Variants in LRP1B observed in about 807,000 individuals in gnomAD.
LRP1B encodes the protein LDL receptor related protein 1B, also known as low-density lipoprotein receptor-related protein 1B.
In LRP1B, 217 loss-of-function variants were observed where a neutral mutation model predicts 556.6. The ratio of observed to expected loss-of-function variants is 0.39; its 90% CI spans 0.35 to 0.44. LRP1B has a LOEUF of 0.44. LRP1B is among the 20% of genes least tolerant of loss of function. The probability of loss-of-function intolerance (pLI) is 1.00; values close to 1 mark genes in which losing one functional copy is unlikely to be tolerated. For missense variants in LRP1B, 5,053 were observed against 5,620.8 expected (o/e 0.90, Z 3.23); for synonymous variants, 2,047 against 1,865.8 (o/e 1.10, Z -2.50).
At chr2:141,408,552 T>G (rs1045169981) in intron 3 of LRP1B, among the ~76,000 whole-genome samples, 1 of 151,960 alleles carries the variant, frequency 6.6e-6, no homozygotes, top group African/African-American at 2.4e-5. Context: ...GCAAAAAAAC[T>G]AAAAATATTT....
chr2:141,297,566 G>A (rs1337738311), intron 3 of LRP1B, among the ~76,000 whole-genome samples: 3 of 152,030 alleles, frequency 2.0e-5, no homozygotes, highest in Non-Finnish European at 4.4e-5. Flanking sequence ...CCAGCTGCAG[G>A]CTACTAGACA....
At chr2:141,397,475 G>C (rs1690282459) in intron 3 of LRP1B, among the ~76,000 whole-genome samples, 1 of 150,666 alleles carries the variant, frequency 6.6e-6, no homozygotes, top group African/African-American at 2.4e-5. Context: ...TAAAAATTCA[G>C]GAAAAAAACA....
intron 3 of LRP1B, among the ~76,000 whole-genome samples, chr2:141,434,847 T>A (rs1323193086): frequency 6.6e-6 from 1 of 152,190 alleles, no homozygotes; most frequent in Non-Finnish European, 1.5e-5. Flanking sequence ...ACTTCTGATA[T>A]CCCTACTCAG....
chr2:140,441,046 T>A (rs1209518397), intron 66 of LRP1B, among the ~76,000 whole-genome samples: 1 of 152,060 alleles, frequency 6.6e-6, no homozygotes, highest in Non-Finnish European at 1.5e-5. Context: ...AGAGATTAAG[T>A]AAGATAATCA....
intron 21 of LRP1B, among the ~76,000 whole-genome samples, chr2:140,915,806 C>T (rs955996015): frequency 5.3e-5 from 8 of 152,008 alleles, no homozygotes; most frequent in Admixed American, 2.6e-4. Context: ...AAACTGTCAG[C>T]TCACGAGGTC....
chr2:141,290,507 C>A (rs950606074), intron 3 of LRP1B, among the ~76,000 whole-genome samples: 45 of 152,000 alleles, frequency 3.0e-4, no homozygotes, highest in Non-Finnish European at 1.5e-5. Context: ...ATTGATATAA[C>A]AATAAATTCT....
chr2:140,534,689 A>G (rs558850878), intron 46 of LRP1B, among the ~76,000 whole-genome samples: 1 of 152,276 alleles, frequency 6.6e-6, no homozygotes, highest in South Asian at 2.1e-4. Context: ...TCTATTTACC[A>G]TTATGAAAGT....
intron 3 of LRP1B, among the ~76,000 whole-genome samples, chr2:141,368,168 C>T (rs1208336681): frequency 6.6e-6 from 1 of 152,030 alleles, no homozygotes; most frequent in Non-Finnish European, 1.5e-5. Context: ...ATATAAAATT[C>T]AGTGGAGAAG....
chr2:141,449,378 T>A (rs1406731571), intron 3 of LRP1B, among the ~76,000 whole-genome samples: 1 of 152,224 alleles, frequency 6.6e-6, no homozygotes, highest in Non-Finnish European at 1.5e-5. Context: ...TTAAATATTT[T>A]ACTGTAAGAA....
At chr2:141,711,948 C>CATAG (rs1355865343) in intron 2 of LRP1B, among the ~76,000 whole-genome samples, 26 of 134,834 alleles carry the variant, frequency 1.9e-4, no homozygotes, top group Admixed American at 9.6e-4. Context: ...TATGAACACA[C>CATAG]ACAGACACAC....
intron 46 of LRP1B, among the ~76,000 whole-genome samples, chr2:140,535,396 G>T (rs190306119): frequency 3.0e-4 from 45 of 152,150 alleles, no homozygotes; most frequent in African/African-American, 1.0e-3. Context: ...TAAGACATTG[G>T]TTACACATCA....
intron 1 of LRP1B, among the ~76,000 whole-genome samples, chr2:141,819,671 C>A (rs997380952): frequency 8.5e-5 from 13 of 152,104 alleles, no homozygotes; most frequent in African/African-American, 2.9e-4. Context: ...GAAATAATTT[C>A]TAGTGTTCTG....
At chr2:141,089,338 G>T (rs891589539) in intron 7 of LRP1B, among the ~76,000 whole-genome samples, 1 of 152,088 alleles carries the variant, frequency 6.6e-6, no homozygotes, top group African/African-American at 2.4e-5. Context: ...TTGTGTAATT[G>T]TTAGGACCAA....
At chr2:141,328,909 T>C (rs985965503) in intron 3 of LRP1B, among the ~76,000 whole-genome samples, 2 of 152,276 alleles carry the variant, frequency 1.3e-5, no homozygotes, top group Admixed American at 6.5e-5. Flanking sequence ...CTAAATTCTG[T>C]TACTATCTCC....
In LRP1B at chr2:140,530,525, C is replaced by A. The variant is rs545791781; in HGVS notation, c.7762+3496G>T. Among the ~76,000 whole-genome samples, 3 of 152,164 alleles carry A rather than the reference C, an allele frequency of 2.0e-5. No homozygotes were observed. In the South Asian group the frequency reaches 6.2e-4, roughly 32 times the overall value. On this transcript the variant is annotated intron_variant, in intron 47 of 90. Coordinates refer to ENST00000389484, the MANE Select transcript of LRP1B (RefSeq NM_018557.3). ...TTCCTTCTATATCTTGAAAGGTACTCTACAAGGACACTATGTTAATAAACT... is the reference window on the plus strand; with the variant it reads ...TTCCTTCTATATCTTGAAAGGTACTATACAAGGACACTATGTTAATAAACT...
intron 2 of LRP1B, among the ~76,000 whole-genome samples, chr2:141,800,032 A>G (rs1258203440): frequency 2.0e-5 from 3 of 152,174 alleles, no homozygotes. Flanking sequence ...CTCTCCAATT[A>G]TTACTACATC....
chr2:141,540,838 A>G lies in LRP1B; in HGVS notation c.206-60305T>C, dbSNP rs944701984. On this transcript the variant is annotated intron_variant, in intron 2 of 90. Coordinates refer to ENST00000389484, the MANE Select transcript of LRP1B (RefSeq NM_018557.3). ...CCTGTGCTCATAAACTGCCAGTACT[A>G]CTCTTATGAAAGCAATATTAAAATG... 4.6e-5 allele frequency among the ~76,000 whole-genome samples: 7 copies of G among 152,024 alleles called. No individual in the cohort carries two copies. In the Middle Eastern group the frequency reaches 0.01, roughly 223 times the overall value.
At chr2:140,880,845 G>A (rs1693450812) in intron 25 of LRP1B, among the ~76,000 whole-genome samples, 2 of 152,028 alleles carry the variant, frequency 1.3e-5, no homozygotes, top group African/African-American at 4.8e-5. Flanking sequence ...GTTCCTGTAA[G>A]TTACATATAA....
intron 5 of LRP1B, among the ~76,000 whole-genome samples, chr2:141,238,964 C>G (rs1159290317): frequency 6.6e-6 from 1 of 152,002 alleles, no homozygotes; most frequent in Non-Finnish European, 1.5e-5. Context: ...GCCGTCATAA[C>G]TGGTGATAAA....
Sources: gnomAD v4.1 joint callset for allele counts (sites outside exome capture counted in the v4.1 genomes callset) on GRCh38, gnomAD v4.1.1 for gene constraint, MANE v1.5 for transcripts, NCBI Gene and HGNC (gene_info 2026-07-23, HGNC 2026-07-21) for gene names.